The following MPP2 variants were observed in gnomAD, a reference collection of about 807,000 sequenced individuals.
The protein encoded by MPP2 is MAGUK p55 subfamily member 2.
In MPP2, 42 loss-of-function variants were observed where a neutral mutation model predicts 58.5. The ratio of observed to expected loss-of-function variants is 0.72; its 90% CI spans 0.56 to 0.93. The LOEUF is 0.93. Among genes scored for constraint, MPP2 ranks in the 40% least tolerant of loss-of-function variants. The pLI is 0.00. For synonymous variants in MPP2, 300 were observed against 307.8 expected, an observed-to-expected ratio of 0.97 and a Z score of 0.26; for missense variants, 632 against 760.4, an observed-to-expected ratio of 0.83 and a Z score of 1.99.
chr17:43,889,495 TG>T (rs1426759509), intron 3 of MPP2, among the ~76,000 whole-genome samples: 1 of 151,674 alleles, frequency 6.6e-6, no homozygotes, highest in Non-Finnish European at 1.5e-5. Context: ...CTCGAGTAGC[TG>T]GGATTACAGC....
intron 1 of MPP2, 96 bp from the exon 2 acceptor site, chr17:43,904,589 AG>A: frequency 9.6e-7 from 1 of 1,044,538 alleles, no homozygotes; most frequent in Non-Finnish European, 1.4e-6. Context: ...CCAGAAAGGT[AG>A]GGGAGAAGGT....
chr17:43,886,703 G>A (rs1004053828), intron 3 of MPP2, among the ~76,000 whole-genome samples: 4 of 152,022 alleles, frequency 2.6e-5, no homozygotes, highest in Non-Finnish European at 4.4e-5. Context: ...ACTGTATGAG[G>A]GATTTTCTTG....
rs575140306 is a variant in MPP2 at position 43,902,343 on chromosome 17, G to T, written c.31+2087C>A. 2.0e-5 allele frequency among the ~76,000 whole-genome samples: 3 copies of T among 152,240 alleles called. No individual in the cohort carries two copies. The South Asian group carries it at 6.2e-4, about 32-fold the overall frequency. ...ACAACGAAGCCAAATTGCTGGGCTT[G>T]CTCCTCCTCCTACGCCCCAGTCAGG... On this transcript the variant is annotated intron_variant, in intron 2 of 12. Coordinates refer to ENST00000269095, the MANE Select transcript of MPP2 (RefSeq NM_005374.5).
rs34738342 is a variant in MPP2, at chr17:43,879,901, G to A, written c.1234C>T (p.Arg412Cys). Residue 412 changes from arginine (R) to cysteine (C), a missense_variant, in exon 11 of 13, where the codon CGT (arginine) becomes TGT (cysteine). By Grantham distance (180) the Arg-to-Cys change is radical. Coordinates refer to ENST00000269095, the MANE Select transcript of MPP2 (RefSeq NM_005374.5). This position sits in a 1 kb window ranked among gnomAD's most constrained non-coding sequence, Gnocchi z 4.1. ...CCATGCTCCAGGTAGCGCCCAGCAC[G>A]GACGTCAGCCTCCATCTCCCCACGG... ...VSRGEMEADV[R>C]AGRYLEHGEY... is the part of the protein sequence containing the mutation. 29 of 1,614,040 alleles carry A rather than the reference G, an allele frequency of 1.8e-5. No homozygotes were observed. Among genetic ancestry groups the A allele is most frequent in the Non-Finnish European group, 2.5e-5 (29 of 1,179,978 alleles).
At chr17:43,909,701 G>A (rs1355156465), upstream of MPP2, 12 of 965,804 alleles carry the variant, frequency 1.2e-5, no homozygotes, top group Non-Finnish European at 1.7e-5. Flanking sequence ...TCTAATAAAG[G>A]CCTTGCAGAA....
chr17:43,883,591 C>A (rs896837900), intron 3 of MPP2, among the ~76,000 whole-genome samples: 2 of 152,094 alleles, frequency 1.3e-5, no homozygotes, highest in Non-Finnish European at 2.9e-5. Context: ...AAAGGACAAA[C>A]CTTCCTTTCC....
At chr17:43,882,680 AGGGGAGAGGT>A (rs1224591479) in intron 5 of MPP2, among the ~76,000 whole-genome samples, 169 bp from the exon 6 acceptor site, 1 of 144,208 alleles carries the variant, frequency 6.9e-6, no homozygotes, top group Non-Finnish European at 1.5e-5. Context: ...GGTACTAATG[AGGGGAGAGGT>A]GGGCAGACTG....
chr17:43,884,228 C>A (rs1486134287), intron 3 of MPP2: 1 of 641,842 alleles, frequency 1.6e-6, no homozygotes, highest in African/African-American at 1.8e-5. Context: ...CACTCTTGTC[C>A]CAAAAGTATC....
At chr17:43,886,481 T>C (rs916833612) in intron 3 of MPP2, among the ~76,000 whole-genome samples, 1 of 152,178 alleles carries the variant, frequency 6.6e-6, no homozygotes. Context: ...TCAACCAGTC[T>C]CCATGGGTAT....
chr17:43,906,230 T>C, intron 1 of MPP2: 18 of 787,478 alleles, frequency 2.3e-5, no homozygotes, highest in Non-Finnish European at 2.8e-5. Flanking sequence ...CCAGCCTGCC[T>C]GGGTTTTCTC....
At position 43,879,616 on chromosome 17, in the gene MPP2, C is replaced by T. The variant is rs987548152; in HGVS notation, c.1353+166G>A. 6.6e-6 allele frequency among the ~76,000 whole-genome samples: 1 copy of T among 151,968 alleles called. No individual in the cohort carries two copies. The highest frequency in any genetic ancestry group is 1.5e-5 in the Non-Finnish European group (1 of 67,960). ...GGAGACTAGAGGAGGAGTGGGGACT[C>T]TGGAAGGCTGAGAAAGGTTCCAGGT... On this transcript the variant is annotated intron_variant, in intron 11 of 12. Transcript: ENST00000269095. This position sits in a 1 kb window ranked among gnomAD's most constrained non-coding sequence, Gnocchi z 4.1.
Position 43,882,397 on chromosome 17 carries a change from C to T in MPP2, c.568G>A (p.Gly190Arg), listed in dbSNP as rs1455628087. The change falls in exon 6 of 13, where the codon GGG becomes AGG. Residue 190 changes from glycine (G) to arginine (R), a missense_variant. Transcript: ENST00000269095. ...CGGGGGTCACTGCCCACTGGCTGCC[C>T]GTTCACCTCCTTGATGATGTCACCC... is the stretch of plus-strand genomic sequence containing the variant. Reference protein sequence around the residue: ...HVGDIIKEVNGQPVGSDPRAL... With the variant: ...HVGDIIKEVNRQPVGSDPRAL... The T allele has an allele frequency of 1.9e-6, 3 of 1,611,582 alleles. No homozygotes were observed. The African/African-American group carries it at 4.0e-5, about 22-fold the overall frequency.
chr17:43,899,853 C>T (rs560863583), intron 2 of MPP2, among the ~76,000 whole-genome samples: 2 of 152,010 alleles, frequency 1.3e-5, no homozygotes, highest in African/African-American at 2.4e-5. Flanking sequence ...TGGCAAGTTC[C>T]GGGGAAAGGA....
At chr17:43,881,842 C>A (rs963622445) in intron 6 of MPP2, among the ~76,000 whole-genome samples, 1 of 152,142 alleles carries the variant, frequency 6.6e-6, no homozygotes, top group African/African-American at 2.4e-5. Flanking sequence ...GGCACCTAAT[C>A]CTGGATCCCT....
At chr17:43,885,726 C>T (rs1198413520) in intron 3 of MPP2, among the ~76,000 whole-genome samples, 2 of 152,024 alleles carry the variant, frequency 1.3e-5, no homozygotes, top group Non-Finnish European at 2.9e-5. Context: ...AAAAATCAGC[C>T]GGGAAGGGTA....
At chr17:43,901,654 G>C in intron 2 of MPP2, 1 of 910,458 alleles carries the variant, frequency 1.1e-6, no homozygotes, top group South Asian at 5.0e-5. Flanking sequence ...AGCTCCACCT[G>C]AAAGCAGCCA....
chr17:43,907,446 G>C, intron 1 of MPP2, 28 bp downstream of exon 1: 1 of 985,652 alleles, frequency 1.0e-6, no homozygotes, highest in South Asian at 4.7e-5. Context: ...TGGGATAGGA[G>C]CTGGCCCGGG....
chr17:43,881,465 C>CAGT lies in MPP2; in HGVS notation c.803_805dup (p.Asn268_Trp269insTyr). On this transcript the variant is annotated inframe_insertion, in exon 7 of 13. Coordinates refer to ENST00000269095, the MANE Select transcript of MPP2 (RefSeq NM_005374.5). ...GGGGTGCCCGCAGCTCACCTGCCAC[C>CAGT]AGTTGGCATCATCCTGGTTTACGAT... is the stretch of plus-strand genomic sequence containing the variant. The CAGT allele has an allele frequency of 6.2e-7, 1 of 1,614,142 alleles. No individual in the cohort carries two copies. The highest frequency in any genetic ancestry group is 8.5e-7 in the Non-Finnish European group (1 of 1,180,006).
rs1451827459 is a variant in MPP2, at chr17:43,877,888, C to T, written c.1578G>A (p.Glu526=). 2 of 1,613,980 alleles carry T rather than the reference C, an allele frequency of 1.2e-6. No individual in the cohort carries two copies. The highest frequency in any genetic ancestry group is 2.2e-5 in the East Asian group (1 of 44,894). Residue 526 remains glutamate, a synonymous_variant, in exon 13 of 13, where the codon GAG becomes GAA. Coordinates refer to ENST00000269095, the MANE Select transcript of MPP2 (RefSeq NM_005374.5). The stretch of plus-strand genomic sequence containing the variant: ...CTGTCTGGAGCTCGCGGAAGGTCCT[C>T]TCCAGGTTGCTATTGACCAGGCAGA... ...FDLCLVNSNL[E]RTFRELQTAM...
Sources: allele counts gnomAD v4.1 joint callset (sites outside exome capture counted in the v4.1 genomes callset), GRCh38; gene constraint gnomAD v4.1.1; non-coding constraint Gnocchi (gnomAD v3.1); transcripts MANE v1.5; gene names NCBI Gene and HGNC (gene_info 2026-07-23, HGNC 2026-07-21).